The following MYLK variants were observed in gnomAD, a reference collection of about 807,000 sequenced individuals.
The protein encoded by MYLK is myosin light chain kinase.
A neutral mutation model predicts 203.4 loss-of-function variants in MYLK; 106 were observed. The ratio of observed to expected loss-of-function variants is 0.52; its 90% CI spans 0.45 to 0.61. The LOEUF is 0.61. Among genes scored for constraint, MYLK ranks in the 20% least tolerant of loss-of-function variants. The probability of loss-of-function intolerance (pLI) is 0.00; values close to 1 mark genes in which losing one functional copy is unlikely to be tolerated. For synonymous variants in MYLK, 867 were observed against 959.5 expected (o/e 0.90, Z 1.78); for missense variants, 2,072 against 2,442.3 (o/e 0.85, Z 3.20).
chr3:123,709,180 G>A (rs190418095), intron 14 of MYLK: 56 of 228,708 alleles, frequency 2.4e-4, no homozygotes, highest in East Asian at 2.3e-3. Flanking sequence ...TTGCTCTGTC[G>A]CCCAGGCTGC....
chr3:123,841,931 G>A (rs986473587), intron 2 of MYLK, among the ~76,000 whole-genome samples: 1 of 152,108 alleles, frequency 6.6e-6, no homozygotes, highest in African/African-American at 2.4e-5. Context: ...GTATCTTCTG[G>A]TATACTGTTG....
intron 3 of MYLK, among the ~76,000 whole-genome samples, chr3:123,819,183 G>A (rs1475948065): frequency 2.6e-5 from 4 of 152,204 alleles, no homozygotes; most frequent in Non-Finnish European, 5.9e-5. Context: ...CTTGCAAGCA[G>A]AGGCACTGAC....
chr3:123,701,234 G>A lies in MYLK; in HGVS notation c.2462+204C>T, dbSNP rs1284086915. 1.2e-4 allele frequency among the ~76,000 whole-genome samples: 6 copies of A among 50,356 alleles called. No individual in the cohort carries two copies. In the Admixed American group the frequency reaches 1.5e-3, roughly 13 times the overall value. The allele number at this position is 50,356 out of a possible 152,430, so 33.0% of individuals were successfully genotyped here. The stretch of plus-strand genomic sequence containing the variant: ...GACTTCAGTAGCCTTATAAGGGTGT[G>A]TGCAAAAAAAAAAAAAAAAAAAATC... On this transcript the variant is annotated intron_variant, in intron 17 of 33. Transcript: ENST00000360304.
intron 1 of MYLK, among the ~76,000 whole-genome samples, chr3:123,883,810 C>T (rs2033687915): frequency 6.6e-6 from 1 of 152,118 alleles, no homozygotes; most frequent in South Asian, 2.1e-4. Flanking sequence ...CCTACCTTCC[C>T]GGAATCACAT....
At chr3:123,765,091 G>A (rs1262772288) in intron 4 of MYLK, among the ~76,000 whole-genome samples, 1 of 152,152 alleles carries the variant, frequency 6.6e-6, no homozygotes, top group Non-Finnish European at 1.5e-5. Context: ...GCAAAGACGT[G>A]GAGAAATTGG....
At chr3:123,616,293 C>T (rs2057487601) in intron 33 of MYLK, 1 of 152,008 alleles carries the variant, frequency 6.6e-6, no homozygotes, top group Non-Finnish European at 1.5e-5. Flanking sequence ...AGCCTTTATG[C>T]ATTAGTCATA....
chr3:123,686,370 G>GT (rs57730652), intron 19 of MYLK, among the ~76,000 whole-genome samples: 125,714 of 147,820 alleles, frequency 0.85, 55,939 homozygotes, highest in Non-Finnish European at 0.98. Context: ...TCTGGGCAGC[G>GT]TTTTTTTTTT....
intron 29 of MYLK, among the ~76,000 whole-genome samples, chr3:123,634,050 C>G (rs1315901752): frequency 2.6e-5 from 4 of 152,146 alleles, no homozygotes. Flanking sequence ...GGGGACCACA[C>G]ATCTGCTGAT....
chr3:123,643,801 C>A (rs1346087749), intron 27 of MYLK, among the ~76,000 whole-genome samples: 4 of 152,272 alleles, frequency 2.6e-5, no homozygotes, highest in Admixed American at 2.0e-4. Flanking sequence ...TATCACTGGA[C>A]TCGAGACCCT....
intron 23 of MYLK, chr3:123,659,835 G>T: frequency 2.8e-6 from 1 of 360,408 alleles, no homozygotes; most frequent in Non-Finnish European, 5.6e-6. Context: ...CTCCCTGGAG[G>T]CTTGACTAAC....
At chr3:123,861,994 C>A (rs1260396652) in intron 2 of MYLK, among the ~76,000 whole-genome samples, 1 of 152,196 alleles carries the variant, frequency 6.6e-6, no homozygotes, top group Non-Finnish European at 1.5e-5. Flanking sequence ...TCACTCAGAG[C>A]AGAAGCACCT....
intron 4 of MYLK, among the ~76,000 whole-genome samples, chr3:123,773,121 AAAT>A (rs1287286586): frequency 1.3e-5 from 2 of 152,180 alleles, no homozygotes; most frequent in South Asian, 2.1e-4. Flanking sequence ...AGTCTATTTG[AAAT>A]AATAAGACCA....
chr3:123,645,695 G>A (rs2058993443), intron 27 of MYLK, among the ~76,000 whole-genome samples: 1 of 152,202 alleles, frequency 6.6e-6, no homozygotes, highest in African/African-American at 2.4e-5. Flanking sequence ...ATGCTTGTTT[G>A]TAAAAGCAAA....
At position 123,725,995 on chromosome 3, in the gene MYLK, G is replaced by A; in HGVS notation, c.1600C>T (p.Gln534Ter). 1 of 1,614,220 alleles carries A rather than the reference G, an allele frequency of 6.2e-7. No homozygotes were observed. The highest frequency in any genetic ancestry group is 8.5e-7 in the Non-Finnish European group (1 of 1,180,040). ...ACTGGGGTCCCCCGTACGGAGCACT[G>A]CAGCACAAAATCCTGGCCCTCAATA... ...AVIEGQDFVL[Q>*]CSVRGTPVPR... The change falls in exon 12 of 34, where the codon CAG becomes TAG. Residue 534 changes from glutamine (Q) to a stop codon, truncating the protein, a stop_gained. Coordinates refer to ENST00000360304, the MANE Select transcript of MYLK (RefSeq NM_053025.4). LOFTEE classifies it high-confidence loss of function.
chr3:123,798,690 G>A (rs1450910064), intron 3 of MYLK, among the ~76,000 whole-genome samples: 1 of 152,064 alleles, frequency 6.6e-6, no homozygotes, highest in Non-Finnish European at 1.5e-5. Flanking sequence ...TACAGCAAGG[G>A]AACATCTAGT....
At chr3:123,806,055 G>A (rs1047412738) in intron 3 of MYLK, among the ~76,000 whole-genome samples, 23 of 150,098 alleles carry the variant, frequency 1.5e-4, no homozygotes, top group African/African-American at 5.6e-4. Flanking sequence ...ATATCACAAG[G>A]AATAGATTAT....
At chr3:123,675,517 GGT>G (rs2060045820) in intron 20 of MYLK, among the ~76,000 whole-genome samples, 1 of 152,192 alleles carries the variant, frequency 6.6e-6, no homozygotes, top group Non-Finnish European at 1.5e-5. Context: ...AGAGCCTGAA[GGT>G]GGGTCTCACG....
chr3:123,856,319 C>T (rs1039545470), intron 2 of MYLK, among the ~76,000 whole-genome samples: 24 of 152,304 alleles, frequency 1.6e-4, no homozygotes, highest in Admixed American at 9.2e-4. Flanking sequence ...TGTGCATACA[C>T]TGGGAACTGC....
intron 4 of MYLK, among the ~76,000 whole-genome samples, chr3:123,757,852 A>G (rs1226603857): frequency 1.3e-5 from 2 of 152,160 alleles, no homozygotes; most frequent in Non-Finnish European, 2.9e-5. Context: ...TGCCTGTAAC[A>G]CATTACTGTG....
Sources: gnomAD v4.1 joint callset for allele counts (sites outside exome capture counted in the v4.1 genomes callset) on GRCh38, gnomAD v4.1.1 for gene constraint, MANE v1.5 for transcripts, NCBI Gene and HGNC (gene_info 2026-07-23, HGNC 2026-07-21) for gene names.